Variants in MGAT4C observed in about 807,000 individuals in gnomAD.
The protein encoded by MGAT4C is MGAT4 family member C, also known as alpha-1,3-mannosyl-glycoprotein 4-beta-N-acetylglucosaminyltransferase C.
Under a neutral mutation model 40.1 loss-of-function variants are expected in MGAT4C, and 19 were observed. The observed-to-expected ratio is 0.47, with a 90% CI of 0.33 to 0.70. The LOEUF (loss-of-function observed/expected upper bound fraction) is 0.70, where lower values mean the gene tolerates loss of function less well. Among genes scored for constraint, MGAT4C ranks in the 30% least tolerant of loss-of-function variants. The pLI, the probability that MGAT4C is intolerant of heterozygous loss-of-function variation, is 0.02. For synonymous variants in MGAT4C, 181 were observed against 187.1 expected (o/e 0.97, Z 0.27); for missense variants, 491 against 563.2 (o/e 0.87, Z 1.30).
intron 2 of MGAT4C, among the ~76,000 whole-genome samples, chr12:86,026,506 CAT>C (rs1397641471): frequency 6.6e-6 from 1 of 151,774 alleles, no homozygotes; most frequent in African/African-American, 2.4e-5. Context: ...CTAGTTGAAA[CAT>C]GTTTTTATTT....
At chr12:86,277,012 G>A (rs1453911382) in intron 4 of MGAT4C, among the ~76,000 whole-genome samples, 1 of 152,118 alleles carries the variant, frequency 6.6e-6, no homozygotes, top group African/African-American at 2.4e-5. Flanking sequence ...CCTCCGAACT[G>A]TTCTCCCTAG....
At chr12:86,366,283 G>A (rs958821145) in intron 3 of MGAT4C, among the ~76,000 whole-genome samples, 2 of 152,160 alleles carry the variant, frequency 1.3e-5, no homozygotes, top group Admixed American at 6.5e-5. Flanking sequence ...AGTTCCAGGA[G>A]CAGAGTTTTT....
intron 3 of MGAT4C, among the ~76,000 whole-genome samples, chr12:86,401,771 T>C (rs913419165): frequency 6.6e-6 from 1 of 152,106 alleles, no homozygotes; most frequent in Non-Finnish European, 1.5e-5. Flanking sequence ...TTGCACTTAG[T>C]TTTACTAGTT....
chr12:86,238,411 TA>T (rs956654770), intron 1 of MGAT4C, among the ~76,000 whole-genome samples: 7 of 151,994 alleles, frequency 4.6e-5, no homozygotes, highest in Admixed American at 2.6e-4. Context: ...TACAAAATCA[TA>T]AAAAAATCAT....
intron 2 of MGAT4C, among the ~76,000 whole-genome samples, chr12:86,005,383 T>C (rs1442566489): frequency 1.3e-5 from 2 of 152,202 alleles, no homozygotes; most frequent in Non-Finnish European, 2.9e-5. Flanking sequence ...CAGAACACAA[T>C]TGGAAACATT....
intron 2 of MGAT4C, among the ~76,000 whole-genome samples, chr12:86,664,348 TTTAAA>T (rs1964049684): frequency 6.6e-6 from 1 of 152,182 alleles, no homozygotes; most frequent in Non-Finnish European, 1.5e-5. Context: ...TCTCTTTTCA[TTTAAA>T]TTTGAAAGCT....
intron 2 of MGAT4C, among the ~76,000 whole-genome samples, chr12:86,617,612 C>T (rs1480156807): frequency 2.0e-5 from 3 of 151,438 alleles, no homozygotes; most frequent in South Asian, 2.1e-4. Flanking sequence ...GGCATGAACC[C>T]GGGAGGCGGA....
intron 2 of MGAT4C, among the ~76,000 whole-genome samples, chr12:86,548,749 T>C (rs10858436): frequency 0.73 from 111,291 of 152,074 alleles, 42,244 homozygotes; most frequent in Middle Eastern, 0.84. Context: ...CCATAGTCTC[T>C]TTATCTGTAA....
chr12:86,641,827 G>T (rs1046513035), intron 2 of MGAT4C, among the ~76,000 whole-genome samples: 1 of 151,806 alleles, frequency 6.6e-6, no homozygotes, highest in Non-Finnish European at 1.5e-5. Flanking sequence ...AGGAACATTA[G>T]TATTTAACTA....
chr12:86,002,809 T>C (rs990346533), intron 2 of MGAT4C, among the ~76,000 whole-genome samples: 1 of 151,862 alleles, frequency 6.6e-6, no homozygotes, highest in African/African-American at 2.4e-5. Flanking sequence ...TACTTTCTTT[T>C]TGTGTTTTAG....
At chr12:86,568,927 T>C (rs906685259) in intron 2 of MGAT4C, among the ~76,000 whole-genome samples, 4 of 151,350 alleles carry the variant, frequency 2.6e-5, no homozygotes, top group African/African-American at 9.7e-5. Context: ...AAAAATCAGC[T>C]CAAAATGAAT....
chr12:86,155,673 G>A (rs763988581), intron 1 of MGAT4C, among the ~76,000 whole-genome samples: 13 of 152,028 alleles, frequency 8.6e-5, no homozygotes, highest in Non-Finnish European at 1.8e-4. Context: ...ATTGCCAACT[G>A]GAAATATCAA....
At chr12:86,239,518 C>A (rs1013853608) in intron 1 of MGAT4C, among the ~76,000 whole-genome samples, 1 of 151,792 alleles carries the variant, frequency 6.6e-6, no homozygotes, top group African/African-American at 2.4e-5. Flanking sequence ...CATTTCATAT[C>A]CTTTCAGATA....
At chr12:86,760,848 G>T (rs1951392309) in intron 1 of MGAT4C, among the ~76,000 whole-genome samples, 1 of 152,110 alleles carries the variant, frequency 6.6e-6, no homozygotes, top group Admixed American at 6.5e-5. Flanking sequence ...CAGATAAAAA[G>T]TGTATGTGGT....
chr12:86,342,647 G>T (rs1030959488), intron 3 of MGAT4C, among the ~76,000 whole-genome samples: 1 of 152,048 alleles, frequency 6.6e-6, no homozygotes, highest in African/African-American at 2.4e-5. Flanking sequence ...CACCATGTTA[G>T]CCAGGATGAT....
chr12:86,279,738 T>C (rs898449836), intron 4 of MGAT4C, among the ~76,000 whole-genome samples: 3 of 151,972 alleles, frequency 2.0e-5, no homozygotes, highest in African/African-American at 7.2e-5. Flanking sequence ...GGTTGTTTAT[T>C]TGAAGATTTT....
At chr12:86,670,370 A>T (rs1254415040) in intron 2 of MGAT4C, among the ~76,000 whole-genome samples, 1 of 152,120 alleles carries the variant, frequency 6.6e-6, no homozygotes, top group Non-Finnish European at 1.5e-5. Context: ...ATCAATCAGA[A>T]CTTCTGGAAT....
At chr12:86,669,897 C>T (rs2136561995) in intron 2 of MGAT4C, among the ~76,000 whole-genome samples, 1 of 152,214 alleles carries the variant, frequency 6.6e-6, no homozygotes, top group East Asian at 1.9e-4. Context: ...CACTGCCTAA[C>T]ACAAAATTTG....
At chr12:86,564,550 A>C (rs941038635) in intron 2 of MGAT4C, among the ~76,000 whole-genome samples, 3 of 152,224 alleles carry the variant, frequency 2.0e-5, no homozygotes, top group African/African-American at 7.2e-5. Context: ...TTGGTGATAC[A>C]TTTGCATGCA....
Sources: allele counts gnomAD v4.1 joint callset (sites outside exome capture counted in the v4.1 genomes callset), GRCh38; gene constraint gnomAD v4.1.1; transcripts MANE v1.5; gene names NCBI Gene and HGNC (gene_info 2026-07-23, HGNC 2026-07-21).